The following EYS variants were observed in gnomAD, a reference collection of about 807,000 sequenced individuals.
EYS encodes protein eyes shut homolog.
EYS carries 250 observed loss-of-function variants against 282.1 expected under a neutral mutation model. The observed-to-expected ratio is 0.89, with a 90% CI of 0.80 to 0.98. The LOEUF is 0.98. Among genes scored for constraint, EYS ranks in the 50% least tolerant of loss-of-function variants. The probability of loss-of-function intolerance (pLI) is 0.00; values close to 1 mark genes in which losing one functional copy is unlikely to be tolerated. For synonymous variants in EYS, 1,355 were observed against 1,282.9 expected (o/e 1.06, Z -1.20); for missense variants, 4,016 against 3,709.0 (o/e 1.08, Z -2.15).
rs1468069238 is a variant in EYS, at chr6:65,269,684, AG to A, written c.2023+26178del. On this transcript the variant is annotated intron_variant, in intron 12 of 42. Coordinates refer to ENST00000503581, the MANE Select transcript of EYS (RefSeq NM_001142800.2). ...TTCTAGACACTGGAAAATTGAGATG[AG>A]GGTGCCAGGATGGTGGGGATCTGGT... 2.6e-5 allele frequency among the ~76,000 whole-genome samples: 4 copies of A among 152,106 alleles called. No individual in the cohort carries two copies. In the East Asian group the frequency reaches 7.7e-4, roughly 29 times the overall value.
intron 15 of EYS, among the ~76,000 whole-genome samples, chr6:64,922,062 G>T (rs1045678033): frequency 3.9e-5 from 6 of 152,154 alleles, no homozygotes; most frequent in Admixed American, 3.9e-4. Flanking sequence ...GCAGAATTTG[G>T]AATTTCAGAG....
At chr6:65,681,891 TA>T (rs1375197047) in intron 1 of EYS, among the ~76,000 whole-genome samples, 1 of 151,864 alleles carries the variant, frequency 6.6e-6, no homozygotes, top group Admixed American at 6.6e-5. Context: ...CATTAAGAAA[TA>T]TAGTGCCTCT....
chr6:65,523,701 G>T (rs9354259), intron 2 of EYS, among the ~76,000 whole-genome samples: 62,486 of 151,914 alleles, frequency 0.41, 13,661 homozygotes, highest in African/African-American at 0.57. Flanking sequence ...TTAAAAAAAA[G>T]TTTAAATGTT....
intron 2 of EYS, among the ~76,000 whole-genome samples, chr6:65,590,720 G>A (rs545510639): frequency 2.6e-5 from 4 of 151,966 alleles, no homozygotes; most frequent in South Asian, 2.1e-4. Flanking sequence ...ATGAGATCAC[G>A]TGGTATTTGT....
intron 36 of EYS, 119 bp from the exon 37 acceptor site, chr6:63,806,491 C>G (rs1770912870): frequency 1.2e-6 from 1 of 827,282 alleles, no homozygotes; most frequent in Non-Finnish European, 1.8e-6. Flanking sequence ...ATTAATTATA[C>G]TTTAGTGCCC....
rs1766002955 is a variant in EYS at position 65,490,592 on chromosome 6, A to G, written c.862+2T>C. 1.3e-6 allele frequency: 2 copies of G among 1,557,966 alleles called. No individual in the cohort carries two copies. Among genetic ancestry groups the G allele is most frequent in the Non-Finnish European group, 1.8e-6 (2 of 1,129,594 alleles). ...ATGGTTGTATACATATGCATTTTTT[A>G]CCTGAAAATTGCTCATCACATTCAC... On this transcript the variant is annotated splice_donor_variant, in intron 5 of 42. Transcript: ENST00000503581. LOFTEE classifies it high-confidence loss of function.
chr6:65,590,479 G>A (rs1226080077), intron 2 of EYS, among the ~76,000 whole-genome samples: 3 of 151,934 alleles, frequency 2.0e-5, no homozygotes, highest in East Asian at 1.9e-4. Context: ...TCTTTGTGGT[G>A]AGAACATTCC....
At chr6:65,675,471 T>C (rs1768551088) in intron 1 of EYS, among the ~76,000 whole-genome samples, 1 of 151,920 alleles carries the variant, frequency 6.6e-6, no homozygotes, top group Non-Finnish European at 1.5e-5. Context: ...GAGGTAGCCA[T>C]ATTTGTATCA....
intron 37 of EYS, among the ~76,000 whole-genome samples, chr6:63,789,761 T>C (rs1029281556): frequency 2.0e-5 from 3 of 152,214 alleles, no homozygotes; most frequent in Admixed American, 6.5e-5. Context: ...CTGTGTTCCC[T>C]CTTCTCTCTC....
Position 65,211,197 on chromosome 6 carries a change from C to T in EYS, c.2023+84666G>A, listed in dbSNP as rs149000335. Among the ~76,000 whole-genome samples, 364 of 152,122 alleles carry T rather than the reference C, an allele frequency of 2.4e-3. 3 individuals are homozygous for T. Among genetic ancestry groups the T allele is most frequent in the African/African-American group, 8.4e-3 (350 of 41,528 alleles). ...TTGGAGTTACAGGAACCTTGAAGTT[C>T]AGAGAAGTACCACAAATTGAATATT... On this transcript the variant is annotated intron_variant, in intron 12 of 42. Coordinates refer to ENST00000503581, the MANE Select transcript of EYS (RefSeq NM_001142800.2).
chr6:64,280,917 TA>T (rs1361497169), intron 30 of EYS, among the ~76,000 whole-genome samples: 1 of 152,146 alleles, frequency 6.6e-6, no homozygotes, highest in Admixed American at 6.5e-5. Context: ...GGTAACTATG[TA>T]AAATATTTAT....
intron 29 of EYS, among the ~76,000 whole-genome samples, chr6:64,343,996 A>C (rs1362298431): frequency 2.6e-5 from 4 of 152,180 alleles, no homozygotes; most frequent in Non-Finnish European, 5.9e-5. Flanking sequence ...CACTCCCAAG[A>C]CTAAACCAGG....
chr6:64,676,349 T>G (rs140094827), intron 22 of EYS, among the ~76,000 whole-genome samples: 4,118 of 121,156 alleles, frequency 0.034, 147 homozygotes, highest in East Asian at 0.086. Context: ...TATATATATA[T>G]ATAGAGAGAG....
At chr6:63,958,463 A>G (rs537080963) in intron 35 of EYS, among the ~76,000 whole-genome samples, 8 of 152,296 alleles carry the variant, frequency 5.3e-5, no homozygotes, top group African/African-American at 1.9e-4. Flanking sequence ...TTGAAACTTA[A>G]TCCTCTCTTC....
chr6:64,870,217 A>C (rs923237768), intron 19 of EYS, among the ~76,000 whole-genome samples: 8 of 151,574 alleles, frequency 5.3e-5, no homozygotes, highest in African/African-American at 1.9e-4. Flanking sequence ...CATACACCCC[A>C]AATCTTACAC....
chr6:63,781,573 T>A (rs1459842059), intron 39 of EYS, among the ~76,000 whole-genome samples: 1 of 152,232 alleles, frequency 6.6e-6, no homozygotes, highest in Non-Finnish European at 1.5e-5. Context: ...TGTATAGGAA[T>A]GCTTGTGATT....
intron 12 of EYS, among the ~76,000 whole-genome samples, chr6:65,084,220 C>T (rs1328742613): frequency 6.6e-6 from 1 of 152,060 alleles, no homozygotes; most frequent in Non-Finnish European, 1.5e-5. Context: ...TGAAAACATT[C>T]TTTTTCACTG....
chr6:65,341,931 C>A (rs1299888928), intron 10 of EYS, among the ~76,000 whole-genome samples: 1 of 151,168 alleles, frequency 6.6e-6, no homozygotes. Flanking sequence ...AGATAGTCGA[C>A]ATTTTACAAT....
intron 13 of EYS, among the ~76,000 whole-genome samples, chr6:65,036,616 G>T (rs1772779183): frequency 6.8e-6 from 1 of 146,570 alleles, no homozygotes; most frequent in Admixed American, 6.8e-5. Flanking sequence ...AAATTAGTAA[G>T]CCAAAAAAAA....
Sources: gnomAD v4.1 joint callset for allele counts (sites outside exome capture counted in the v4.1 genomes callset) on GRCh38, gnomAD v4.1.1 for gene constraint, MANE v1.5 for transcripts, NCBI Gene and HGNC (gene_info 2026-07-23, HGNC 2026-07-21) for gene names.